MTO1: variants seen among roughly 807,000 people sequenced by gnomAD.
The protein encoded by MTO1 is 5-taurinomethyluridine-[tRNA] synthase subunit MTO1, mitochondrial.
A neutral mutation model predicts 71.6 loss-of-function variants in MTO1; 46 were observed. The observed-to-expected ratio is 0.64, with a 90% CI of 0.51 to 0.82. The LOEUF is 0.82. Ranked by LOEUF, MTO1 falls within the 40% of genes least tolerant of loss-of-function variation. The pLI is 0.00. For synonymous variants in MTO1, 297 were observed against 312.1 expected, an observed-to-expected ratio of 0.95 and a Z score of 0.51; for missense variants, 773 against 867.5, an observed-to-expected ratio of 0.89 and a Z score of 1.37.
chr6:73,476,516 CAAA>C (rs1369159833), intron 4 of MTO1, among the ~76,000 whole-genome samples: 1 of 151,618 alleles, frequency 6.6e-6, no homozygotes, highest in African/African-American at 2.4e-5. Flanking sequence ...TTTTTCACAA[CAAA>C]CTCCTATAAA....
chr6:73,482,568 A>C lies in MTO1; in HGVS notation c.1585A>C (p.Lys529Gln), dbSNP rs1754060676. ...TATTGAGTTTTTGAGCTCTAAATGG[A>C]AAAAATTAATCCCAGAGGCTTCTAT... ...KSIEFLSSKW[K>Q]KLIPEASIST... Residue 529 changes from lysine (K) to glutamine (Q), a missense_variant, in exon 9 of 12, where the codon AAA (lysine) becomes CAA (glutamine). Physicochemically the swap from Lys to Gln is moderately conservative, Grantham distance 53. Coordinates refer to ENST00000498286, the MANE Select transcript of MTO1 (RefSeq NM_012123.4). The C allele has an allele frequency of 1.9e-6, 3 of 1,611,778 alleles. No homozygotes were observed. The highest frequency in any genetic ancestry group is 1.7e-6 in the Non-Finnish European group (2 of 1,179,744).
chr6:73,474,456 T>C (rs992076280), intron 4 of MTO1, among the ~76,000 whole-genome samples: 1 of 152,142 alleles, frequency 6.6e-6, no homozygotes, highest in Non-Finnish European at 1.5e-5. Flanking sequence ...TAAATTTCTT[T>C]TTTTTGTTTT....
intron 10 of MTO1, among the ~76,000 whole-genome samples, chr6:73,497,374 G>T (rs1297576045): frequency 6.6e-6 from 1 of 151,630 alleles, no homozygotes; most frequent in Admixed American, 6.6e-5. Context: ...TGCTGGTCTC[G>T]AACTCTTGAG....
At chr6:73,500,415 TTATC>T (rs1401063953) in intron 11 of MTO1, among the ~76,000 whole-genome samples, 155 bp from the exon 12 acceptor site, 5 of 152,292 alleles carry the variant, frequency 3.3e-5, no homozygotes, top group Non-Finnish European at 5.9e-5. Flanking sequence ...AATATTTCCT[TTATC>T]TACTTTACAA....
chr6:73,480,998 CAG>C (rs1188628361), intron 7 of MTO1, 193 bp downstream of exon 7: 1 of 479,902 alleles, frequency 2.1e-6, no homozygotes, highest in African/African-American at 2.7e-5. Flanking sequence ...TTTTTTGAGA[CAG>C]AGTGTTGCTC....
At chr6:73,484,059 A>G (rs887284170) in intron 9 of MTO1, among the ~76,000 whole-genome samples, 5 of 152,034 alleles carry the variant, frequency 3.3e-5, no homozygotes, top group African/African-American at 4.8e-5. Flanking sequence ...GATTACAGGG[A>G]TGAGCCACCA....
Position 73,461,763 on chromosome 6 carries a change from A to C in MTO1, c.-92A>C. ...TCCTACCCCGTGATATTAAAGCAAG[A>C]TGGCCGCGCCCTGCAGATTGTCTCT... On this transcript the variant is annotated 5_prime_UTR_variant, in exon 1 of 12. The change abolishes an upstream ATG in the 5' untranslated region. Transcript: ENST00000498286. 1 of 1,386,416 alleles carries C rather than the reference A, an allele frequency of 7.2e-7. No individual in the cohort carries two copies. Among genetic ancestry groups the C allele is most frequent in the Non-Finnish European group, 1.0e-6 (1 of 1,002,506 alleles). 85.9% of individuals were successfully genotyped at this position (1,386,416 alleles called of 1,614,324 possible). A position where few individuals can be genotyped will look rare whatever the true frequency, so the allele number is the denominator to read the frequency against.
intron 3 of MTO1, among the ~76,000 whole-genome samples, chr6:73,469,650 CT>C (rs11290506): frequency 0.9 from 136,968 of 151,808 alleles, 61,932 homozygotes; most frequent in East Asian, 0.95. Flanking sequence ...CGCTAAAACA[CT>C]TAACTGGAAG....
chr6:73,507,926 G>T lies in MTO1; in HGVS notation c.*7191G>T, dbSNP rs1033048111. 5 of 148,880 alleles carry T rather than the reference G, an allele frequency of 3.4e-5. No homozygotes were observed. Among genetic ancestry groups the T allele is most frequent in the African/African-American group, 1.2e-4 (5 of 40,130 alleles). 9.2% of individuals were successfully genotyped at this position (148,880 alleles called of 1,614,324 possible). ...CAGGAGGCGGAGCTTGCAATGAGCC[G>T]AGATCGCGCCACTGCACTCTAGCCT... is the stretch of plus-strand genomic sequence containing the variant. On this transcript the variant is annotated 3_prime_UTR_variant, in exon 12 of 12. Transcript: ENST00000498286.
chr6:73,501,327 T>C lies in MTO1; in HGVS notation c.*592T>C, dbSNP rs925475122. The C allele has an allele frequency of 1.3e-5, 2 of 152,214 alleles. No homozygotes were observed. The highest frequency in any genetic ancestry group is 6.5e-5 in the Admixed American group (1 of 15,278). The allele number at this position is 152,214 out of a possible 1,614,324, so 9.4% of individuals were successfully genotyped here. ...GAACATTAATGAAAGCCCTATAAAA[T>C]AGAAAGATTGGAAATCACCATTGTT... On this transcript the variant is annotated 3_prime_UTR_variant, in exon 12 of 12. Coordinates refer to ENST00000498286, the MANE Select transcript of MTO1 (RefSeq NM_012123.4).
chr6:73,486,351 A>G (rs979567851), intron 9 of MTO1, among the ~76,000 whole-genome samples: 1 of 152,122 alleles, frequency 6.6e-6, no homozygotes, highest in East Asian at 1.9e-4. Flanking sequence ...AAACTCAAAC[A>G]CTATACCCAT....
intron 9 of MTO1, among the ~76,000 whole-genome samples, chr6:73,485,651 C>G (rs753127079): frequency 6.6e-6 from 1 of 152,128 alleles, no homozygotes; most frequent in Admixed American, 6.6e-5. Flanking sequence ...CCGTGTTAGC[C>G]AGGATGGTCT....
chr6:73,476,920 CG>C (rs1272351666), intron 4 of MTO1, among the ~76,000 whole-genome samples: 1 of 151,600 alleles, frequency 6.6e-6, no homozygotes, highest in African/African-American at 2.4e-5. Context: ...CCTCAGTAGC[CG>C]GGATTACAGG....
In MTO1 at chr6:73,462,023, C is replaced by CG. The variant is rs1379086460; in HGVS notation, c.171dup (p.Cys58ValfsTer21). 1 of 1,613,944 alleles carries CG rather than the reference C, an allele frequency of 6.2e-7. No individual in the cohort carries two copies. Among genetic ancestry groups the CG allele is most frequent in the African/African-American group, 1.3e-5 (1 of 74,944 alleles). ...GACTGAGGCAGCCACCGCCGCCGCT[C>CG]GGTGCGGCTCTCGGACTCTGCTCCT... On this transcript the variant is annotated frameshift_variant, in exon 1 of 12. Transcript: ENST00000498286. LOFTEE classifies it high-confidence loss of function.
At chr6:73,462,898 C>G (rs1186566591) in intron 1 of MTO1, among the ~76,000 whole-genome samples, 2 of 152,054 alleles carry the variant, frequency 1.3e-5, no homozygotes, top group Non-Finnish European at 2.9e-5. Flanking sequence ...TTTCTGGACT[C>G]AAGAACTTTT....
intron 9 of MTO1, among the ~76,000 whole-genome samples, chr6:73,488,311 C>T (rs1159212302): frequency 6.6e-6 from 1 of 152,052 alleles, no homozygotes; most frequent in Non-Finnish European, 1.5e-5. Flanking sequence ...GTAGCTAGGA[C>T]CACAGGTGCA....
At chr6:73,490,814 A>G (rs1771782389) in intron 9 of MTO1, among the ~76,000 whole-genome samples, 1 of 152,084 alleles carries the variant, frequency 6.6e-6, no homozygotes, top group Admixed American at 6.6e-5. Flanking sequence ...TAACAGAGCA[A>G]CAAGTGACCT....
chr6:73,470,474 G>A (rs188638739), intron 3 of MTO1, among the ~76,000 whole-genome samples: 1 of 152,102 alleles, frequency 6.6e-6, no homozygotes, highest in East Asian at 1.9e-4. Flanking sequence ...CCAAAGTGCT[G>A]GGATTACAGG....
intron 4 of MTO1, among the ~76,000 whole-genome samples, chr6:73,475,362 A>G (rs1225105056): frequency 6.6e-6 from 1 of 151,950 alleles, no homozygotes; most frequent in Non-Finnish European, 1.5e-5. Flanking sequence ...AGCTCACTGC[A>G]GCCTCCGCCC....
Sources: gnomAD v4.1 joint callset for allele counts (sites outside exome capture counted in the v4.1 genomes callset) on GRCh38, gnomAD v4.1.1 for gene constraint, MANE v1.5 for transcripts, NCBI Gene and HGNC (gene_info 2026-07-23, HGNC 2026-07-21) for gene names.